The following CCDC180 variants were observed in gnomAD, a reference collection of about 807,000 sequenced individuals.
CCDC180 encodes coiled-coil domain containing 180.
A neutral mutation model predicts 209.2 loss-of-function variants in CCDC180; 154 were observed. That is an observed-to-expected ratio of 0.74 (90% CI 0.65 to 0.84). CCDC180 has a LOEUF of 0.84. Among genes scored for constraint, CCDC180 ranks in the 40% least tolerant of loss-of-function variants. The pLI, the probability that CCDC180 is intolerant of heterozygous loss-of-function variation, is 0.00. For missense variants in CCDC180, 1,874 were observed against 1,997.3 expected (o/e 0.94, Z 1.18); for synonymous variants, 778 against 749.1 (o/e 1.04, Z -0.63).
intron 11 of CCDC180, 147 bp from the exon 12 acceptor site, chr9:97,322,686 C>T (rs745467597): frequency 1.5e-6 from 1 of 668,032 alleles, no homozygotes; most frequent in Admixed American, 2.3e-5. Flanking sequence ...GTAAGGGGAC[C>T]CCAGCCCCTG....
rs1167465023 is a variant in CCDC180 at position 97,360,008 on chromosome 9, C to T, written c.3390C>T (p.Ser1130=). Residue 1130 remains serine, a synonymous_variant, in exon 26 of 37, where the codon AGC becomes AGT. Transcript: ENST00000529487. ...CAGTGACCACAGAAGAACTCCTCAG[C>T]TTCGTCCAAACTTGGAAGGAAAAAC... ...KTTVTTEELL[S]FVQTWKEKLS... 1.2e-6 allele frequency: 2 copies of T among 1,613,894 alleles called. No homozygotes were observed. Among genetic ancestry groups the T allele is most frequent in the Non-Finnish European group, 1.7e-6 (2 of 1,179,902 alleles).
chr9:97,324,249 G>A (rs1408138030), intron 13 of CCDC180, among the ~76,000 whole-genome samples: 1 of 152,180 alleles, frequency 6.6e-6, no homozygotes, highest in African/African-American at 2.4e-5. Flanking sequence ...TTTCTGTGAA[G>A]GGCCAGATGG....
At chr9:97,323,945 T>A in intron 13 of CCDC180, 42 bp downstream of exon 13, 2 of 1,546,484 alleles carry the variant, frequency 1.3e-6, no homozygotes, top group South Asian at 2.4e-5. Flanking sequence ...TGAGGTGGGG[T>A]TGGGGGTCCC....
chr9:97,332,461 G>C (rs536635616), intron 18 of CCDC180, among the ~76,000 whole-genome samples: 3 of 152,290 alleles, frequency 2.0e-5, no homozygotes, highest in Non-Finnish European at 4.4e-5. Flanking sequence ...GCTTTGAGCA[G>C]TATGGCCATT....
chr9:97,362,017 C>A, intron 27 of CCDC180, 119 bp downstream of exon 27: 3 of 1,380,420 alleles, frequency 2.2e-6, no homozygotes, highest in Non-Finnish European at 2.0e-6. Context: ...CCCCTGAGAG[C>A]CTGTGACCTC....
chr9:97,337,837 T>C (rs1564160276), intron 18 of CCDC180, among the ~76,000 whole-genome samples: 1 of 152,254 alleles, frequency 6.6e-6, no homozygotes, highest in Non-Finnish European at 1.5e-5. Context: ...TGCCTCAATT[T>C]CAGAGCCTGT....
In CCDC180 at chr9:97,362,182, T is replaced by G. The variant is rs781450716; in HGVS notation, c.3657-14T>G. On this transcript the variant is annotated splice_polypyrimidine_tract_variant and intron_variant, in intron 27 of 36. Transcript: ENST00000529487. ...TCACCGGAGAAGAGCTCACACCCTT[T>G]CCTTTGGTTTCAGACTTCCCAACAC... is the stretch of plus-strand genomic sequence containing the variant. 1.1e-5 allele frequency: 17 copies of G among 1,607,320 alleles called. No homozygotes were observed. In the East Asian group the frequency reaches 3.8e-4, roughly 36 times the overall value.
chr9:97,329,306 G>A (rs1825656953), intron 16 of CCDC180, among the ~76,000 whole-genome samples: 2 of 152,242 alleles, frequency 1.3e-5, no homozygotes, highest in South Asian at 2.1e-4. Flanking sequence ...CCCATAGGGT[G>A]TAGAGGACTT....
At chr9:97,325,631 G>A (rs1212953149) in intron 14 of CCDC180, among the ~76,000 whole-genome samples, 1 of 152,240 alleles carries the variant, frequency 6.6e-6, no homozygotes, top group African/African-American at 2.4e-5. Flanking sequence ...GCTTCCATGG[G>A]AAGTCTAATA....
At chr9:97,308,588 G>A (rs1832878142) in intron 2 of CCDC180, among the ~76,000 whole-genome samples, 2 of 152,156 alleles carry the variant, frequency 1.3e-5, no homozygotes, top group Admixed American at 6.5e-5. Context: ...TCCCATAACT[G>A]TATTAAAGTA....
Position 97,350,436 on chromosome 9 carries a change from C to G in CCDC180, c.2883C>G (p.His961Gln), listed in dbSNP as rs908878199. The change falls in exon 22 of 37, where the codon CAC becomes CAG. Residue 961 changes from histidine to glutamine, a missense_variant. Physicochemically the swap from His to Gln is conservative, Grantham distance 24. Coordinates refer to ENST00000529487, the MANE Select transcript of CCDC180 (RefSeq NM_020893.6). ...QKLVTLSNTL[H>Q]QELLSYVDVT... ...TGGTCACTCTCAGCAACACACTGCACCAGGAGTTGCTTAGCTATGTTGATG... is the reference window on the plus strand; with the variant it reads ...TGGTCACTCTCAGCAACACACTGCAGCAGGAGTTGCTTAGCTATGTTGATG... The G allele has an allele frequency of 6.5e-7, 1 of 1,535,880 alleles. No homozygotes were observed. The highest frequency in any genetic ancestry group is 8.7e-7 in the Non-Finnish European group (1 of 1,146,960).
intron 6 of CCDC180, 23 bp from the exon 7 acceptor site, chr9:97,314,595 C>T (rs1239829624): frequency 6.2e-7 from 1 of 1,613,952 alleles, no homozygotes; most frequent in Non-Finnish European, 8.5e-7. Flanking sequence ...GGCTCCTAGC[C>T]TGACCCAAAC....
In CCDC180 at chr9:97,370,091, C is replaced by G. The variant is rs755747586; in HGVS notation, c.4350+9C>G. On this transcript the variant is annotated intron_variant, in intron 32 of 36. Coordinates refer to ENST00000529487, the MANE Select transcript of CCDC180 (RefSeq NM_020893.6). ...GGCTGGAGAAAAGAAAGGTGAGGGC[C>G]CCAGGACCAGCCCTTCCACTCTAGG... 8 of 1,612,640 alleles carry G rather than the reference C, an allele frequency of 5.0e-6. No homozygotes were observed. The highest frequency in any genetic ancestry group is 6.8e-6 in the Non-Finnish European group (8 of 1,179,528).
Position 97,313,322 on chromosome 9 carries a change from G to A in CCDC180, c.436G>A (p.Glu146Lys). The A allele has an allele frequency of 6.2e-7, 1 of 1,611,680 alleles. No homozygotes were observed. Among genetic ancestry groups the A allele is most frequent in the East Asian group, 2.2e-5 (1 of 44,760 alleles). Reference protein sequence around the residue: ...SYESALASFQEEIAQVGKEME... With the variant: ...SYESALASFQKEIAQVGKEME... ...CGAGAGCGCTCTGGCCAGCTTTCAGGAGGAGATTGCGCAGGTGGGAAAGGT... is the reference window on the plus strand; with the variant it reads ...CGAGAGCGCTCTGGCCAGCTTTCAGAAGGAGATTGCGCAGGTGGGAAAGGT... The change falls in exon 5 of 37, where the codon GAG (glutamate) becomes AAG (lysine). Residue 146 changes from glutamate to lysine, a missense_variant. Glu to Lys is a moderately conservative substitution (Grantham distance 56). Coordinates refer to ENST00000529487, the MANE Select transcript of CCDC180 (RefSeq NM_020893.6).
At chr9:97,309,378 G>T in intron 2 of CCDC180, 36 bp from the exon 3 acceptor site, 2 of 1,587,580 alleles carry the variant, frequency 1.3e-6, no homozygotes, top group South Asian at 2.3e-5. Flanking sequence ...CAGCAGCTCT[G>T]ACCACTCCCC....
chr9:97,349,730 A>G (rs553215216), intron 21 of CCDC180, among the ~76,000 whole-genome samples: 2 of 152,162 alleles, frequency 1.3e-5, no homozygotes, highest in Non-Finnish European at 2.9e-5. Flanking sequence ...GGGCAGAGCA[A>G]GGGGCTCCAG....
chr9:97,325,616 T>G (rs372322467), intron 14 of CCDC180, among the ~76,000 whole-genome samples: 1 of 152,366 alleles, frequency 6.6e-6, no homozygotes, highest in East Asian at 1.9e-4. Flanking sequence ...TAAGGATGGA[T>G]GCAGGCTTCC....
In CCDC180 at chr9:97,377,687, TGCTTGGTTA is replaced by T. The variant is rs926905104; in HGVS notation, c.*810_*818del. Reference sequence around the variant, plus strand: ...TGGTTTGCTCCACCCAGTGAGGCCCTGCTTGGTTAGCTTGGTTAGCTTGGTGGCCTTTGT... The same window carrying T: ...TGGTTTGCTCCACCCAGTGAGGCCCTGCTTGGTTAGCTTGGTGGCCTTTGT... On this transcript the variant is annotated 3_prime_UTR_variant, in exon 37 of 37. Coordinates refer to ENST00000529487, the MANE Select transcript of CCDC180 (RefSeq NM_020893.6). 2.0e-5 allele frequency: 3 copies of T among 152,224 alleles called. No individual in the cohort carries two copies. The highest frequency in any genetic ancestry group is 7.2e-5 in the African/African-American group (3 of 41,416). The allele number at this position is 152,224 out of a possible 1,614,324, so 9.4% of individuals were successfully genotyped here.
intron 34 of CCDC180, chr9:97,373,020 A>T (rs1022479022): frequency 3.9e-5 from 6 of 152,212 alleles, no homozygotes; most frequent in Admixed American, 1.3e-4. Flanking sequence ...GACAAACAGG[A>T]CATGTCTGTG....
Sources: gnomAD v4.1 joint callset for allele counts (sites outside exome capture counted in the v4.1 genomes callset) on GRCh38, gnomAD v4.1.1 for gene constraint, MANE v1.5 for transcripts, NCBI Gene and HGNC (gene_info 2026-07-23, HGNC 2026-07-21) for gene names.